PARP12: variants seen among roughly 807,000 people sequenced by gnomAD.
PARP12 encodes poly(ADP-ribose) polymerase family member 12.
In PARP12, 59 loss-of-function variants were observed where a neutral mutation model predicts 72.4. That is an observed-to-expected ratio of 0.81 (90% CI 0.66 to 1.01). PARP12 has a LOEUF of 1.01. PARP12 is among the 50% of genes least tolerant of loss of function. PARP12 has a pLI of 0.00. For synonymous variants in PARP12, 403 were observed against 371.4 expected, an observed-to-expected ratio of 1.09 and a Z score of -0.98; for missense variants, 851 against 914.0, an observed-to-expected ratio of 0.93 and a Z score of 0.89.
In PARP12 at chr7:140,062,621, C is replaced by A; in HGVS notation, c.227G>T (p.Arg76Leu). 6.7e-7 allele frequency: 1 copy of A among 1,495,686 alleles called. No homozygotes were observed. Among genetic ancestry groups the A allele is most frequent in the Non-Finnish European group, 8.9e-7 (1 of 1,126,204 alleles). The allele number at this position is 1,495,686 out of a possible 1,614,324, so 92.7% of individuals were successfully genotyped here. Reference sequence around the variant, plus strand: ...GCCCGGCTTGGAGCCCTGGTGCGCGCGACACAGGCGCAGCGGCGAGGCGGC... The same window carrying A: ...GCCCGGCTTGGAGCCCTGGTGCGCGAGACACAGGCGCAGCGGCGAGGCGGC... Reference protein sequence around the residue: ...VLAASPLRLCRAHQGSKPGCV... With the variant: ...VLAASPLRLCLAHQGSKPGCV... Residue 76 changes from arginine to leucine, a missense_variant, in exon 1 of 12, where the codon CGC (arginine) becomes CTC (leucine). By Grantham distance (102) the Arg-to-Leu change is moderately radical. Around this residue, in one of 3 missense-constraint regions of PARP12, gnomAD observed 492 missense variants for 489.3 expected, o/e 1.01. Coordinates refer to ENST00000263549, the MANE Select transcript of PARP12 (RefSeq NM_022750.4).
In PARP12 at chr7:140,062,939, G is replaced by A. The variant is rs1336769038; in HGVS notation, c.-92C>T. 4.7e-6 allele frequency: 5 copies of A among 1,074,980 alleles called. No individual in the cohort carries two copies. Among genetic ancestry groups the A allele is most frequent in the South Asian group, 7.5e-5 (2 of 26,528 alleles). 66.6% of individuals were successfully genotyped at this position (1,074,980 alleles called of 1,614,324 possible). ...CGGGCGGCTCTCGCAGGGTGGAGACGCCGGCGGGAAACGAAACCGAAAGCG... is the reference window on the plus strand; with the variant it reads ...CGGGCGGCTCTCGCAGGGTGGAGACACCGGCGGGAAACGAAACCGAAAGCG... On this transcript the variant is annotated 5_prime_UTR_variant, in exon 1 of 12. Coordinates refer to ENST00000263549, the MANE Select transcript of PARP12 (RefSeq NM_022750.4).
chr7:140,062,664 G>C lies in PARP12; in HGVS notation c.184C>G (p.Pro62Ala). Residue 62 changes from proline (P) to alanine (A), a missense_variant, in exon 1 of 12, where the codon CCG becomes GCG. Physicochemically the swap from Pro to Ala is conservative, Grantham distance 27. Coordinates refer to ENST00000263549, the MANE Select transcript of PARP12 (RefSeq NM_022750.4). ...GAGGCGGCCAGCACCACGCGCTCCG[G>C]GGCCGCGGCTGCGCCGCCCGCCCGC... Reference protein sequence around the residue: ...AVRAGGAAAAPERVVLAASPL... With the variant: ...AVRAGGAAAAAERVVLAASPL... 1 of 1,296,346 alleles carries C rather than the reference G, an allele frequency of 7.7e-7. No individual in the cohort carries two copies. The allele number at this position is 1,296,346 out of a possible 1,614,324, so 80.3% of individuals were successfully genotyped here. A position where few individuals can be genotyped will look rare whatever the true frequency, so the allele number is the denominator to read the frequency against.
chr7:140,062,284 TA>T (rs1817489268), intron 1 of PARP12, among the ~76,000 whole-genome samples: 1 of 150,282 alleles, frequency 6.7e-6, no homozygotes. Context: ...ATGCTCTATG[TA>T]AATCACTCTC....
chr7:140,043,688 G>A (rs946362665), intron 5 of PARP12, among the ~76,000 whole-genome samples: 2 of 151,868 alleles, frequency 1.3e-5, no homozygotes, highest in Admixed American at 1.3e-4. Flanking sequence ...GCACCACCAC[G>A]CCCAGCTAAT....
intron 1 of PARP12, among the ~76,000 whole-genome samples, chr7:140,062,103 G>A (rs1055131824): frequency 2.6e-5 from 4 of 151,994 alleles, no homozygotes; most frequent in African/African-American, 9.7e-5. Flanking sequence ...GATTAATAGG[G>A]TTGAACTGGG....
At chr7:140,041,894 G>A in intron 5 of PARP12, 55 bp from the exon 6 acceptor site, 1 of 1,443,972 alleles carries the variant, frequency 6.9e-7, no homozygotes, top group East Asian at 2.3e-5. Context: ...GCAGACACAG[G>A]TCCCTCAGCT....
At chr7:140,059,963 G>A (rs1296779096) in intron 1 of PARP12, among the ~76,000 whole-genome samples, 1 of 152,222 alleles carries the variant, frequency 6.6e-6, no homozygotes. Context: ...GAACATTCCA[G>A]AAGAGGGGCA....
intron 5 of PARP12, among the ~76,000 whole-genome samples, chr7:140,045,454 G>A (rs1176223868): frequency 2.0e-5 from 3 of 152,136 alleles, no homozygotes; most frequent in Non-Finnish European, 4.4e-5. Context: ...TAAAGCTGAG[G>A]TAAAATGAGA....
intron 9 of PARP12, 65 bp downstream of exon 9, chr7:140,028,548 T>C: frequency 2.2e-6 from 3 of 1,380,504 alleles, no homozygotes; most frequent in Non-Finnish European, 3.0e-6. Flanking sequence ...TGGCACAGTC[T>C]GTTCACACAC....
At chr7:140,043,133 G>A (rs1377040696) in intron 5 of PARP12, among the ~76,000 whole-genome samples, 1 of 152,212 alleles carries the variant, frequency 6.6e-6, no homozygotes, top group Non-Finnish European at 1.5e-5. Flanking sequence ...GGCGGAGCTT[G>A]CAGTGAGCTG....
rs1183672746 is a variant in PARP12 at position 140,046,867 on chromosome 7, A to G, written c.986+17T>C. 1.2e-6 allele frequency: 2 copies of G among 1,610,854 alleles called. No individual in the cohort carries two copies. Among genetic ancestry groups the G allele is most frequent in the Non-Finnish European group, 1.7e-6 (2 of 1,178,506 alleles). On this transcript the variant is annotated intron_variant, in intron 5 of 11. Transcript: ENST00000263549. ...GAAGCCCAGGCACAAAGCAGAGACA[A>G]GGGACATATTTCCTACCTTTCTATT... is the stretch of plus-strand genomic sequence containing the variant.
chr7:140,046,420 A>T (rs1175163112), intron 5 of PARP12, among the ~76,000 whole-genome samples: 1 of 152,228 alleles, frequency 6.6e-6, no homozygotes, highest in Non-Finnish European at 1.5e-5. Context: ...GGAAAAAAAA[A>T]GTTAAAGGTT....
In PARP12 at chr7:140,041,712, T is replaced by A. The variant is rs756204488; in HGVS notation, c.1114A>T (p.Ile372Phe). 1 of 1,614,072 alleles carries A rather than the reference T, an allele frequency of 6.2e-7. No homozygotes were observed. Among genetic ancestry groups the A allele is most frequent in the Non-Finnish European group, 8.5e-7 (1 of 1,180,018 alleles). Residue 372 changes from isoleucine (I) to phenylalanine (F), a missense_variant, in exon 6 of 12, where the codon ATC (isoleucine) becomes TTC (phenylalanine). This residue lies in a region of PARP12 where 492 missense variants were observed against 489.3 expected (regional missense o/e 1.01). Transcript: ENST00000263549. ...TACCAAATCCAGTCAGTGGTGAGGA[T>A]GAAGTGTGGAGGTTTGGTGACAGAG... The part of the protein sequence containing the change: ...ASSVTKPPHF[I>F]LTTDWIWYWS...
chr7:140,031,962 A>C (rs1261790024), intron 8 of PARP12, among the ~76,000 whole-genome samples: 1 of 152,174 alleles, frequency 6.6e-6, no homozygotes, highest in African/African-American at 2.4e-5. Context: ...GCAAACAACA[A>C]ACTAAGAGAA....
Position 140,062,511 on chromosome 7 carries a change from C to T in PARP12, c.326+11G>A. Reference sequence around the variant, plus strand: ...CCTCCGCCCGCCGTCGCTCCCGGCGCGGCGCCTTACCCGGCTCTCAGGAAC... The same window carrying T: ...CCTCCGCCCGCCGTCGCTCCCGGCGTGGCGCCTTACCCGGCTCTCAGGAAC... On this transcript the variant is annotated intron_variant, in intron 1 of 11. Transcript: ENST00000263549. 2 of 1,537,158 alleles carry T rather than the reference C, an allele frequency of 1.3e-6. No individual in the cohort carries two copies. Among genetic ancestry groups the T allele is most frequent in the South Asian group, 1.2e-5 (1 of 84,430 alleles).
intron 9 of PARP12, 105 bp from the exon 10 acceptor site, chr7:140,027,511 G>T: frequency 7.1e-7 from 1 of 1,405,840 alleles, no homozygotes; most frequent in Middle Eastern, 1.9e-4. Flanking sequence ...AAGCACAAAA[G>T]CCCAGAGAGC....
intron 7 of PARP12, among the ~76,000 whole-genome samples, chr7:140,035,939 G>A (rs957309398): frequency 0.016 from 1,894 of 117,282 alleles, 191 homozygotes; most frequent in South Asian, 0.022. Flanking sequence ...GGAGGAGGAG[G>A]AGGAGGAGGA....
intron 8 of PARP12, among the ~76,000 whole-genome samples, chr7:140,031,583 A>G (rs1040311700): frequency 2.0e-5 from 3 of 152,190 alleles, no homozygotes; most frequent in Non-Finnish European, 4.4e-5. Flanking sequence ...CTGCTGGCAC[A>G]TGGGTCAGAG....
intron 11 of PARP12, chr7:140,025,483 A>G: frequency 2.4e-6 from 1 of 423,656 alleles, no homozygotes; most frequent in Non-Finnish European, 4.8e-6. Context: ...TGCTGGGCAG[A>G]AAATGTTCTC....
Sources: allele counts gnomAD v4.1 joint callset (sites outside exome capture counted in the v4.1 genomes callset), GRCh38; gene constraint gnomAD v4.1.1; regional missense constraint gnomAD v4.1.1; transcripts MANE v1.5; gene names NCBI Gene and HGNC (gene_info 2026-07-23, HGNC 2026-07-21).